MRPL37: variants seen among roughly 807,000 people sequenced by gnomAD.
MRPL37 encodes the protein large ribosomal subunit protein mL37.
A neutral mutation model predicts 44.1 loss-of-function variants in MRPL37; 34 were observed. That is an observed-to-expected ratio of 0.77 (90% CI 0.59 to 1.03). The LOEUF (loss-of-function observed/expected upper bound fraction) is 1.03. Among genes scored for constraint, MRPL37 ranks in the 50% least tolerant of loss-of-function variants. MRPL37 has a pLI of 0.00. For synonymous variants in MRPL37, 212 were observed against 219.5 expected (o/e 0.97, Z 0.30); for missense variants, 532 against 543.7 (o/e 0.98, Z 0.21).
intron 1 of MRPL37, among the ~76,000 whole-genome samples, chr1:54,202,254 G>A (rs1161408564): frequency 6.6e-6 from 1 of 152,038 alleles, no homozygotes; most frequent in East Asian, 1.9e-4. Context: ...CTCCTGCCTC[G>A]GCCTCCCAAA....
At position 54,205,320 on chromosome 1, in the gene MRPL37, C is replaced by G; in HGVS notation, c.556C>G (p.Gln186Glu). 8 of 1,614,168 alleles carry G rather than the reference C, an allele frequency of 5.0e-6. No individual in the cohort carries two copies. Among genetic ancestry groups the G allele is most frequent in the Non-Finnish European group, 6.8e-6 (8 of 1,180,014 alleles). Reference protein sequence around the residue: ...YCPVIVDNLIQLCKSQILKHP... With the variant: ...YCPVIVDNLIELCKSQILKHP... ...CCCGGTCATCGTGGACAACCTAATA[C>G]AGCTGTGTAAATCTCAGATTCTCAA... The change falls in exon 3 of 7, where the codon CAG (glutamine) becomes GAG (glutamate). Residue 186 changes from glutamine (Q) to glutamate (E), a missense_variant. Coordinates refer to ENST00000360840, the MANE Select transcript of MRPL37 (RefSeq NM_016491.4).
At chr1:54,200,769 GC>G (rs1174167592) in intron 1 of MRPL37, among the ~76,000 whole-genome samples, 180 bp downstream of exon 1, 1 of 152,226 alleles carries the variant, frequency 6.6e-6, no homozygotes, top group Admixed American at 6.5e-5. Flanking sequence ...AAGGAGCTGG[GC>G]CTCTGTGCAG....
At chr1:54,216,655 G>C (rs1442288285) in intron 6 of MRPL37, among the ~76,000 whole-genome samples, 6 of 152,140 alleles carry the variant, frequency 3.9e-5, no homozygotes, top group African/African-American at 1.4e-4. Context: ...GAGGCTTCTT[G>C]CCTTCTCCCC....
intron 5 of MRPL37, among the ~76,000 whole-genome samples, chr1:54,213,149 C>T (rs946656655): frequency 2.0e-5 from 3 of 152,320 alleles, no homozygotes; most frequent in Admixed American, 6.5e-5. Context: ...CCAAGATACT[C>T]GTTGGTGTTA....
chr1:54,215,350 GT>G (rs1255276315), intron 5 of MRPL37, among the ~76,000 whole-genome samples: 1 of 152,202 alleles, frequency 6.6e-6, no homozygotes, highest in Admixed American at 6.5e-5. Flanking sequence ...GAGAGTAGAG[GT>G]GACCTGATGT....
chr1:54,218,790 A>T (rs1054901958), downstream of MRPL37, among the ~76,000 whole-genome samples: 1 of 152,224 alleles, frequency 6.6e-6, no homozygotes, highest in Admixed American at 6.5e-5. Flanking sequence ...TCAAGTCCTG[A>T]TCTGTGCCAG....
At chr1:54,218,967 C>T (rs1227953443), downstream of MRPL37, among the ~76,000 whole-genome samples, 1 of 152,254 alleles carries the variant, frequency 6.6e-6, no homozygotes, top group African/African-American at 2.4e-5. Flanking sequence ...AGGAATTTGC[C>T]CACGGTCACC....
chr1:54,206,722 T>C (rs1644125442), intron 3 of MRPL37, among the ~76,000 whole-genome samples: 1 of 152,000 alleles, frequency 6.6e-6, no homozygotes, highest in South Asian at 2.1e-4. Flanking sequence ...GAATACTCTT[T>C]TCTGCTTTCT....
chr1:54,213,559 T>TAA (rs112421277), intron 5 of MRPL37, among the ~76,000 whole-genome samples: 1 of 148,356 alleles, frequency 6.7e-6, no homozygotes, highest in African/African-American at 2.5e-5. Context: ...GGGTTTTTAT[T>TAA]AAAAAAAAAA....
At chr1:54,202,918 A>G (rs954804929) in intron 1 of MRPL37, among the ~76,000 whole-genome samples, 1 of 152,208 alleles carries the variant, frequency 6.6e-6, no homozygotes, top group East Asian at 1.9e-4. Context: ...CATTGAGAAG[A>G]ATATAGTATT....
intron 4 of MRPL37, 128 bp from the exon 5 acceptor site, chr1:54,212,373 A>G: frequency 8.7e-7 from 1 of 1,149,710 alleles, no homozygotes. Flanking sequence ...AGCTATAGTG[A>G]TAGTATCCAC....
intron 3 of MRPL37, among the ~76,000 whole-genome samples, chr1:54,208,704 A>G (rs1444716283): frequency 6.6e-6 from 1 of 152,088 alleles, no homozygotes; most frequent in Non-Finnish European, 1.5e-5. Flanking sequence ...ACTTTTGCAC[A>G]TTATTCCTCC....
chr1:54,209,920 A>C, intron 3 of MRPL37, 26 bp from the exon 4 acceptor site: 1 of 1,611,558 alleles, frequency 6.2e-7, no homozygotes, highest in Non-Finnish European at 8.5e-7. Flanking sequence ...GTACCAGGTT[A>C]GAGTAACCAT....
intron 3 of MRPL37, 38 bp downstream of exon 3, chr1:54,205,448 T>G: frequency 6.4e-7 from 1 of 1,561,418 alleles, no homozygotes; most frequent in South Asian, 1.1e-5. Flanking sequence ...TTGGTCTGTT[T>G]TTTTTGCCTT....
At chr1:54,216,861 G>GT (rs1038427811) in intron 6 of MRPL37, among the ~76,000 whole-genome samples, 5 of 152,056 alleles carry the variant, frequency 3.3e-5, no homozygotes, top group Admixed American at 1.3e-4. Context: ...CTCTTCACAT[G>GT]TTTTTTTTCC....
At chr1:54,211,057 G>T (rs1480510032) in intron 4 of MRPL37, among the ~76,000 whole-genome samples, 1 of 152,022 alleles carries the variant, frequency 6.6e-6, no homozygotes, top group Non-Finnish European at 1.5e-5. Context: ...TCACCTCCAT[G>T]CCTTGTCACT....
At chr1:54,210,479 T>G (rs1644156102) in intron 4 of MRPL37, among the ~76,000 whole-genome samples, 1 of 152,184 alleles carries the variant, frequency 6.6e-6, no homozygotes, top group Non-Finnish European at 1.5e-5. Flanking sequence ...TTTTTCTTTA[T>G]TCATAGGTCC....
At chr1:54,205,810 C>T (rs1034324843) in intron 3 of MRPL37, among the ~76,000 whole-genome samples, 7 of 152,210 alleles carry the variant, frequency 4.6e-5, no homozygotes, top group Middle Eastern at 3.2e-3. Context: ...TCATCATGGC[C>T]TGCTAGAGTG....
intron 4 of MRPL37, among the ~76,000 whole-genome samples, chr1:54,210,692 G>A (rs1030672440): frequency 6.6e-6 from 1 of 152,136 alleles, no homozygotes; most frequent in African/African-American, 2.4e-5. Context: ...GTGTCCTCAT[G>A]AGCTGTAGCA....
Sources: allele counts gnomAD v4.1 joint callset (sites outside exome capture counted in the v4.1 genomes callset), GRCh38; gene constraint gnomAD v4.1.1; transcripts MANE v1.5; gene names NCBI Gene and HGNC (gene_info 2026-07-23, HGNC 2026-07-21).